The following NRG1 variants were observed in gnomAD, a reference collection of about 807,000 sequenced individuals.
NRG1 encodes pro-neuregulin-1, membrane-bound isoform.
NRG1 carries 18 observed loss-of-function variants against 63.8 expected under a neutral mutation model. That is an observed-to-expected ratio of 0.28 (90% CI 0.19 to 0.42). NRG1 has a LOEUF of 0.42. Among genes scored for constraint, NRG1 ranks in the 10% least tolerant of loss-of-function variants. The pLI, the probability that NRG1 is intolerant of heterozygous loss-of-function variation, is 1.00. For synonymous variants in NRG1, 302 were observed against 301.3 expected, an observed-to-expected ratio of 1.00 and a Z score of -0.02; for missense variants, 762 against 814.7, an observed-to-expected ratio of 0.94 and a Z score of 0.79.
Position 32,392,089 on chromosome 8 carries a change from T to C in NRG1, c.38-203739T>C, listed in dbSNP as rs1240431608. 5.3e-5 allele frequency among the ~76,000 whole-genome samples: 8 copies of C among 152,214 alleles called. No homozygotes were observed. The South Asian group carries it at 1.5e-3, about 28-fold the overall frequency. Reference sequence around the variant, plus strand: ...TAATGATAGAACTGAGGTGGTTCATTTGGGAAAAAAATTGAAATAACATTT... The same window carrying C: ...TAATGATAGAACTGAGGTGGTTCATCTGGGAAAAAAATTGAAATAACATTT... On this transcript the variant is annotated intron_variant, in intron 1 of 10. Coordinates refer to the NRG1 transcript ENST00000519301.
chr8:31,849,650 T>G (rs1827026157), intron 1 of NRG1, among the ~76,000 whole-genome samples: 3 of 152,206 alleles, frequency 2.0e-5, no homozygotes. Context: ...GAAAGGGTCT[T>G]CTGCTGACCC....
chr8:32,739,803 G>A (rs10216402), intron 6 of NRG1, among the ~76,000 whole-genome samples: 8,091 of 151,904 alleles, frequency 0.053, 702 homozygotes, highest in African/African-American at 0.18. Context: ...GCAATTGTGT[G>A]GTGTGTGTGT....
At chr8:32,068,373 C>A (rs1188486951) in intron 1 of NRG1, among the ~76,000 whole-genome samples, 1 of 152,080 alleles carries the variant, frequency 6.6e-6, no homozygotes, top group Non-Finnish European at 1.5e-5. Context: ...CAGACTTAAC[C>A]TGGGAAATAA....
chr8:31,707,713 T>C (rs1292186539), intron 1 of NRG1, among the ~76,000 whole-genome samples: 1 of 152,184 alleles, frequency 6.6e-6, no homozygotes, highest in African/African-American at 2.4e-5. Context: ...CTTTATCTCT[T>C]GGTATTCTAT....
At chr8:32,583,815 A>G (rs1046301829) in intron 1 of NRG1, among the ~76,000 whole-genome samples, 1 of 152,250 alleles carries the variant, frequency 6.6e-6, no homozygotes, top group African/African-American at 2.4e-5. Context: ...GCTGTACACA[A>G]GTTGGTGCAA....
intron 6 of NRG1, among the ~76,000 whole-genome samples, chr8:32,738,425 T>C (rs57684282): frequency 0.019 from 2,860 of 149,822 alleles, 111 homozygotes; most frequent in African/African-American, 0.067. Flanking sequence ...GGTATATACA[T>C]ACACACACAC....
At chr8:31,700,676 G>A (rs533877031) in intron 1 of NRG1, among the ~76,000 whole-genome samples, 60 of 152,254 alleles carry the variant, frequency 3.9e-4, no homozygotes, top group African/African-American at 1.4e-3. Flanking sequence ...CTCACTGTCC[G>A]TGCTCTGCTC....
chr8:31,856,575 G>A (rs373329534), intron 1 of NRG1, among the ~76,000 whole-genome samples: 31 of 152,128 alleles, frequency 2.0e-4, no homozygotes, highest in Non-Finnish European at 3.5e-4. Flanking sequence ...CCCGTAGCTC[G>A]GAGTAATTTG....
intron 1 of NRG1, among the ~76,000 whole-genome samples, chr8:32,333,136 G>A (rs1212075319): frequency 6.6e-6 from 1 of 152,110 alleles, no homozygotes; most frequent in Non-Finnish European, 1.5e-5. Flanking sequence ...AAAAAGACAG[G>A]TTAAAAATCT....
intron 1 of NRG1, among the ~76,000 whole-genome samples, chr8:32,294,937 A>G (rs1228312306): frequency 6.6e-6 from 1 of 152,188 alleles, no homozygotes; most frequent in African/African-American, 2.4e-5. Flanking sequence ...CACTAAAAAT[A>G]TTAACATCCA....
rs114829212 is a variant in NRG1, at chr8:32,532,600, T to C, written c.38-63228T>C. 9.8e-3 allele frequency among the ~76,000 whole-genome samples: 1,499 copies of C among 152,238 alleles called. 25 individuals are homozygous for C. The highest frequency in any genetic ancestry group is 0.034 in the African/African-American group (1,418 of 41,576). ...TTTATTTAAGATATATGATTTTTAT[T>C]TTAATTGACATTTTAGACAATGATA... On this transcript the variant is annotated intron_variant, in intron 1 of 10. Transcript: ENST00000519301.
intron 1 of NRG1, among the ~76,000 whole-genome samples, chr8:31,712,469 C>T (rs931898728): frequency 1.6e-4 from 25 of 151,876 alleles, no homozygotes; most frequent in African/African-American, 5.8e-4. Flanking sequence ...GGGGTTTCAC[C>T]ATGTTAGCCA....
intron 1 of NRG1, among the ~76,000 whole-genome samples, chr8:31,830,895 C>T (rs1287778589): frequency 6.6e-6 from 1 of 152,114 alleles, no homozygotes; most frequent in African/African-American, 2.4e-5. Flanking sequence ...TCAGCCCCTC[C>T]CCCAATACCA....
chr8:31,976,983 A>C (rs567653902), intron 1 of NRG1, among the ~76,000 whole-genome samples: 1 of 152,178 alleles, frequency 6.6e-6, no homozygotes, highest in East Asian at 1.9e-4. Context: ...TGATGCTAAA[A>C]CATTTAGTAC....
At chr8:31,687,285 A>C (rs1025509223) in intron 1 of NRG1, among the ~76,000 whole-genome samples, 1 of 152,204 alleles carries the variant, frequency 6.6e-6, no homozygotes, top group Non-Finnish European at 1.5e-5. Flanking sequence ...TTGATGAAGA[A>C]AGTTAAGCCA....
chr8:32,574,143 C>A (rs1839178044), intron 1 of NRG1, among the ~76,000 whole-genome samples: 1 of 152,034 alleles, frequency 6.6e-6, no homozygotes, highest in African/African-American at 2.4e-5. Context: ...AGCAGCATGA[C>A]CTTTTAAAGA....
At chr8:32,755,560 G>A (rs1327203315) in intron 8 of NRG1, among the ~76,000 whole-genome samples, 1 of 152,202 alleles carries the variant, frequency 6.6e-6, no homozygotes, top group African/African-American at 2.4e-5. Flanking sequence ...TGCACAAAAA[G>A]CGTTACCAGA....
At chr8:32,041,179 T>G (rs1819970309) in intron 1 of NRG1, among the ~76,000 whole-genome samples, 1 of 152,182 alleles carries the variant, frequency 6.6e-6, no homozygotes, top group Non-Finnish European at 1.5e-5. Context: ...ATGGGTGAAG[T>G]TAACAACAAA....
intron 1 of NRG1, among the ~76,000 whole-genome samples, chr8:32,145,989 G>C (rs866911113): frequency 6.6e-6 from 1 of 152,148 alleles, no homozygotes; most frequent in East Asian, 1.9e-4. Flanking sequence ...ATCTCATGTT[G>C]GTTCTTCCAG....
Sources: allele counts gnomAD v4.1 joint callset (sites outside exome capture counted in the v4.1 genomes callset), GRCh38; gene constraint gnomAD v4.1.1; transcripts MANE v1.5; gene names NCBI Gene and HGNC (gene_info 2026-07-23, HGNC 2026-07-21).